RPGRIP1L: variants seen among roughly 807,000 people sequenced by gnomAD.
The protein encoded by RPGRIP1L is protein fantom.
RPGRIP1L carries 131 observed loss-of-function variants against 160.4 expected under a neutral mutation model. The ratio of observed to expected loss-of-function variants is 0.82; its 90% CI spans 0.71 to 0.94. The LOEUF is 0.94. Among genes scored for constraint, RPGRIP1L ranks in the 40% least tolerant of loss-of-function variants. The pLI, the probability that RPGRIP1L is intolerant of heterozygous loss-of-function variation, is 0.00. For missense variants in RPGRIP1L, 1,522 were observed against 1,535.8 expected (o/e 0.99, Z 0.15); for synonymous variants, 510 against 515.8 (o/e 0.99, Z 0.15).
intron 2 of RPGRIP1L, among the ~76,000 whole-genome samples, chr16:53,698,717 G>A (rs1343728707): frequency 7.1e-6 from 1 of 141,206 alleles, no homozygotes; most frequent in African/African-American, 2.7e-5. Context: ...GGAGGGAGGT[G>A]GGGGGGTCAG....
At position 53,617,809 on chromosome 16, in the gene RPGRIP1L, A is replaced by C. The variant is rs1448948730; in HGVS notation, c.3616+1216T>G. ...TGCCAGATGGGGGAAAAAAAAGGTAACTGTGAGCATTTGTAATCCTGCTGA... is the reference window on the plus strand; with the variant it reads ...TGCCAGATGGGGGAAAAAAAAGGTACCTGTGAGCATTTGTAATCCTGCTGA... On this transcript the variant is annotated intron_variant, in intron 24 of 26. Coordinates refer to ENST00000647211, the MANE Select transcript of RPGRIP1L (RefSeq NM_015272.5). Among the ~76,000 whole-genome samples, 4 of 152,288 alleles carry C rather than the reference A, an allele frequency of 2.6e-5. 1 individual carries two copies. The South Asian group carries it at 6.2e-4, about 24-fold the overall frequency.
rs533936029 is a variant in RPGRIP1L, at chr16:53,690,350, C to T, written c.529+1716G>A. 5.3e-5 allele frequency among the ~76,000 whole-genome samples: 8 copies of T among 152,242 alleles called. No individual in the cohort carries two copies. In the South Asian group the frequency reaches 1.7e-3, roughly 32 times the overall value. On this transcript the variant is annotated intron_variant, in intron 4 of 26. Coordinates refer to ENST00000647211, the MANE Select transcript of RPGRIP1L (RefSeq NM_015272.5). ...TAGCTGGGATTACAGGTGCGTGCCA[C>T]CAAGCCCAGCTAATTTTTTGTATTT...
intron 2 of RPGRIP1L, among the ~76,000 whole-genome samples, chr16:53,698,250 C>T (rs1433987497): frequency 6.6e-5 from 10 of 151,924 alleles, no homozygotes; most frequent in South Asian, 2.1e-4. Flanking sequence ...GCCCGGCAGC[C>T]GACCCGTCCG....
intron 26 of RPGRIP1L, among the ~76,000 whole-genome samples, chr16:53,604,777 T>C (rs1307068672): frequency 2.6e-5 from 4 of 152,196 alleles, no homozygotes; most frequent in African/African-American, 4.8e-5. Context: ...CAGAATAACA[T>C]GCTTAAGGTT....
chr16:53,674,827 T>G (rs1401263070), intron 7 of RPGRIP1L, among the ~76,000 whole-genome samples, 190 bp downstream of exon 7: 2 of 152,144 alleles, frequency 1.3e-5, no homozygotes, highest in Non-Finnish European at 2.9e-5. Context: ...TAATTATTTC[T>G]TTAGTGCTTG....
rs62050404 is a variant in RPGRIP1L, at chr16:53,624,838, G to A, written c.3295-2482C>T. Among the ~76,000 whole-genome samples the A allele has an allele frequency of 6.7e-3, 920 of 137,240 alleles. 3 individuals carry two copies. The highest frequency in any genetic ancestry group is 0.017 in the South Asian group (69 of 4,036). The allele number at this position is 137,240 out of a possible 152,430, so 90.0% of individuals were successfully genotyped here. ...GTTGCCCAGGCTGGACTGTACTGCCGCGATCTCGGCTCGCTGCAACCTCCC... is the reference window on the plus strand; with the variant it reads ...GTTGCCCAGGCTGGACTGTACTGCCACGATCTCGGCTCGCTGCAACCTCCC... On this transcript the variant is annotated intron_variant, in intron 22 of 26. Transcript: ENST00000647211.
chr16:53,666,604 A>G (rs201963545), intron 9 of RPGRIP1L, among the ~76,000 whole-genome samples: 10 of 145,592 alleles, frequency 6.9e-5, no homozygotes, highest in African/African-American at 2.2e-4. Flanking sequence ...ATATATATAT[A>G]TATGTATGTA....
chr16:53,700,980 G>T lies in RPGRIP1L; in HGVS notation c.-7-250C>A, dbSNP rs62048368. The stretch of plus-strand genomic sequence containing the variant: ...GAAATGAAGTAAGATTATCATTTAA[G>T]AAATACCTCCTCTCCATCCCTTTCC... On this transcript the variant is annotated intron_variant, in intron 1 of 26. Transcript: ENST00000647211. Among the ~76,000 whole-genome samples, 929 of 152,202 alleles carry T rather than the reference G, an allele frequency of 6.1e-3. 3 individuals are homozygous for T. Among genetic ancestry groups the T allele is most frequent in the South Asian group, 0.014 (69 of 4,820 alleles).
chr16:53,648,613 TGC>T (rs113828309), intron 16 of RPGRIP1L, among the ~76,000 whole-genome samples: 5,271 of 133,120 alleles, frequency 0.04, 133 homozygotes, highest in East Asian at 0.1. Context: ...CGTACGCGCG[TGC>T]GCGCGCGCGC....
At chr16:53,626,187 C>T (rs1311243916) in intron 22 of RPGRIP1L, among the ~76,000 whole-genome samples, 1 of 143,288 alleles carries the variant, frequency 7.0e-6, no homozygotes, top group East Asian at 2.1e-4. Context: ...GAAAAAGTCT[C>T]AATCAGGTGA....
intron 24 of RPGRIP1L, among the ~76,000 whole-genome samples, chr16:53,614,870 C>A (rs899714225): frequency 4.6e-5 from 7 of 152,106 alleles, no homozygotes; most frequent in African/African-American, 1.7e-4. Flanking sequence ...ACTGGTAGTC[C>A]AAATACTTTA....
intron 6 of RPGRIP1L, among the ~76,000 whole-genome samples, chr16:53,676,742 C>G (rs1428679155): frequency 6.6e-6 from 1 of 152,078 alleles, no homozygotes. Context: ...AAGCGATTCT[C>G]CTGCCTCAGC....
chr16:53,612,863 A>G (rs1964143012), intron 24 of RPGRIP1L, among the ~76,000 whole-genome samples: 1 of 152,206 alleles, frequency 6.6e-6, no homozygotes, highest in Non-Finnish European at 1.5e-5. Context: ...GAACTTCTTC[A>G]TCTTCCCAAA....
chr16:53,698,306 CGGGA>C (rs1398678441), intron 2 of RPGRIP1L, among the ~76,000 whole-genome samples: 3 of 144,482 alleles, frequency 2.1e-5, no homozygotes, highest in Admixed American at 6.8e-5. Flanking sequence ...CCGCCCCGTC[CGGGA>C]GGGAGGTGGG....
At chr16:53,664,156 G>T (rs1968045486) in intron 10 of RPGRIP1L, among the ~76,000 whole-genome samples, 1 of 152,160 alleles carries the variant, frequency 6.6e-6, no homozygotes, top group African/African-American at 2.4e-5. Context: ...TTGTGCATTT[G>T]TGTGTATATC....
intron 15 of RPGRIP1L, among the ~76,000 whole-genome samples, chr16:53,650,931 T>C (rs1307666166): frequency 6.6e-6 from 1 of 152,166 alleles, no homozygotes; most frequent in Non-Finnish European, 1.5e-5. Context: ...TTTCCTTTAT[T>C]TACATTCACT....
chr16:53,674,145 G>A (rs1968964793), intron 7 of RPGRIP1L, among the ~76,000 whole-genome samples: 1 of 151,964 alleles, frequency 6.6e-6, no homozygotes. Flanking sequence ...TTACCACTTG[G>A]CATTTAAAGA....
intron 24 of RPGRIP1L, among the ~76,000 whole-genome samples, chr16:53,617,204 T>G (rs1246229073): frequency 2.0e-5 from 3 of 151,678 alleles, no homozygotes; most frequent in Non-Finnish European, 4.4e-5. Flanking sequence ...AAAGAAAGAT[T>G]TGTATTGCTC....
chr16:53,629,787 A>G (rs1160980663), intron 22 of RPGRIP1L, among the ~76,000 whole-genome samples: 8 of 152,146 alleles, frequency 5.3e-5, no homozygotes, highest in Non-Finnish European at 8.8e-5. Flanking sequence ...CATTGCAGCT[A>G]TATGGTATTC....
Sources: allele counts gnomAD v4.1 joint callset (sites outside exome capture counted in the v4.1 genomes callset), GRCh38; gene constraint gnomAD v4.1.1; transcripts MANE v1.5; gene names NCBI Gene and HGNC (gene_info 2026-07-23, HGNC 2026-07-21).